COL5A3: variants seen among roughly 807,000 people sequenced by gnomAD.
COL5A3 encodes collagen alpha-3(V) chain.
COL5A3 carries 172 observed loss-of-function variants against 250.0 expected under a neutral mutation model. The observed-to-expected ratio is 0.69, with a 90% confidence interval of 0.61 to 0.78. The LOEUF (loss-of-function observed/expected upper bound fraction) is 0.78. COL5A3 is among the 30% of genes least tolerant of loss of function. COL5A3 has a pLI of 0.00. For synonymous variants in COL5A3, 937 were observed against 900.4 expected, an observed-to-expected ratio of 1.04 and a Z score of -0.73; for missense variants, 2,340 against 2,334.4, an observed-to-expected ratio of 1.00 and a Z score of -0.05.
intron 16 of COL5A3, among the ~76,000 whole-genome samples, chr19:9,994,232 T>G (rs901966636): frequency 1.3e-4 from 19 of 151,782 alleles, no homozygotes; most frequent in Non-Finnish European, 2.6e-4. Context: ...CAGGCTGGAG[T>G]GCAGTGGCAT....
chr19:9,973,813 GA>G lies in COL5A3; in HGVS notation c.3559-5del, dbSNP rs1264932254. The G allele has an allele frequency of 3.8e-5, 62 of 1,613,892 alleles. No individual in the cohort carries two copies. Among genetic ancestry groups the G allele is most frequent in the Non-Finnish European group, 4.3e-5 (51 of 1,179,962 alleles). On this transcript the variant is annotated splice_region_variant and splice_polypyrimidine_tract_variant and intron_variant, in intron 48 of 66. Coordinates refer to ENST00000264828, the MANE Select transcript of COL5A3 (RefSeq NM_015719.4). ...CTCCAGGCAGCCCTGGAGTGCCCTG[GA>G]GAGACAGCAAGGGGTAAGAGTGGGA...
intron 64 of COL5A3, among the ~76,000 whole-genome samples, chr19:9,963,580 A>G (rs1368432966): frequency 4.4e-3 from 321 of 73,068 alleles, no homozygotes; most frequent in African/African-American, 8.4e-3. Context: ...GGGCGGGTGG[A>G]GGGGGTCTTT....
At chr19:9,986,992 G>A (rs1325219235) in intron 27 of COL5A3, among the ~76,000 whole-genome samples, 5 of 152,124 alleles carry the variant, frequency 3.3e-5, no homozygotes, top group Admixed American at 2.0e-4. Flanking sequence ...CCAAGTAAGC[G>A]ATTCCCATCT....
At position 9,968,136 on chromosome 19, in the gene COL5A3, T is replaced by C; in HGVS notation, c.4315-57A>G. ...GGGTACACCCTATTGCCCTGACACA[T>C]CCCCCAGACAAGCCTTCAATCCTAC... On this transcript the variant is annotated intron_variant, in intron 59 of 66. Coordinates refer to ENST00000264828, the MANE Select transcript of COL5A3 (RefSeq NM_015719.4). The surrounding 1 kb of genome is among the most constrained non-coding windows in gnomAD (Gnocchi z 4.1). 1 of 1,480,666 alleles carries C rather than the reference T, an allele frequency of 6.8e-7. No homozygotes were observed. The allele number at this position is 1,480,666 out of a possible 1,614,324, so 91.7% of individuals were successfully genotyped here.
chr19:9,968,579 G>A lies in COL5A3; in HGVS notation c.4207-87C>T. 1.3e-6 allele frequency: 2 copies of A among 1,579,318 alleles called. No homozygotes were observed. Among genetic ancestry groups the A allele is most frequent in the Non-Finnish European group, 1.7e-6 (2 of 1,154,302 alleles). On this transcript the variant is annotated intron_variant, in intron 58 of 66. Coordinates refer to ENST00000264828, the MANE Select transcript of COL5A3 (RefSeq NM_015719.4). The surrounding 1 kb of genome is among the most constrained non-coding windows in gnomAD (Gnocchi z 4.1). ...CTAGAGCCTTAGGGTGATGAGTTTG[G>A]GAGCAGAGGATGCACCAATCTCCCA...
intron 11 of COL5A3, 148 bp downstream of exon 11, chr19:9,997,223 A>G (rs2145130058): frequency 1.4e-6 from 1 of 699,076 alleles, no homozygotes; most frequent in Non-Finnish European, 2.6e-6. Flanking sequence ...TAGTTCACAG[A>G]TGGGAGACAG....
At chr19:9,973,103 A>G in intron 50 of COL5A3, 77 bp from the exon 51 acceptor site, 1 of 1,347,738 alleles carries the variant, frequency 7.4e-7, no homozygotes, top group Non-Finnish European at 1.0e-6. Context: ...GGATTCAGGC[A>G]TTGGGGTGGT....
chr19:9,969,302 A>G, intron 57 of COL5A3, 47 bp downstream of exon 57: 1 of 1,520,780 alleles, frequency 6.6e-7, no homozygotes, highest in Non-Finnish European at 8.9e-7. Context: ...CTAGGTGCCC[A>G]GAGTGGTCCT....
At position 9,964,144 on chromosome 19, in the gene COL5A3, G is replaced by A. The variant is rs886922453; in HGVS notation, c.4783-1257C>T. On this transcript the variant is annotated intron_variant, in intron 64 of 66. Coordinates refer to ENST00000264828, the MANE Select transcript of COL5A3 (RefSeq NM_015719.4). Reference sequence around the variant, plus strand: ...ACCAAGATCACGCCACTGCACTCCAGCCTGGGCAACAGAGTGAGACTATGT... The same window carrying A: ...ACCAAGATCACGCCACTGCACTCCAACCTGGGCAACAGAGTGAGACTATGT... Among the ~76,000 whole-genome samples the A allele has an allele frequency of 3.3e-5, 5 of 152,180 alleles. 1 individual carries two copies. The highest frequency in any genetic ancestry group is 1.2e-4 in the African/African-American group (5 of 41,450).
Position 9,971,142 on chromosome 19 carries a change from G to C in COL5A3, c.3828+63C>G, listed in dbSNP as rs939278304. ...TCCACTGTCAGTGCCCAGGTCTGTG[G>C]GGGTAGGGAGATGGGGACAGAATTA... On this transcript the variant is annotated intron_variant, in intron 52 of 66. Transcript: ENST00000264828. 3.0e-5 allele frequency: 43 copies of C among 1,421,614 alleles called. No individual in the cohort carries two copies. In the East Asian group the frequency reaches 1.0e-3, roughly 33 times the overall value. The allele number at this position is 1,421,614 out of a possible 1,614,324, so 88.1% of individuals were successfully genotyped here.
At chr19:10,001,486 A>T (rs751745413) in intron 8 of COL5A3, 38 bp downstream of exon 8, 1 of 1,576,090 alleles carries the variant, frequency 6.3e-7, no homozygotes, top group South Asian at 1.2e-5. Flanking sequence ...TAGGAATCCC[A>T]CTCTCTTGCA....
intron 8 of COL5A3, among the ~76,000 whole-genome samples, chr19:9,999,003 T>G (rs2087312475): frequency 7.0e-6 from 1 of 143,354 alleles, no homozygotes; most frequent in Non-Finnish European, 1.5e-5. Flanking sequence ...CTTCCTTTCT[T>G]TCTTTTCTTT....
At chr19:9,963,300 G>C (rs963308033) in intron 64 of COL5A3, among the ~76,000 whole-genome samples, 1 of 152,014 alleles carries the variant, frequency 6.6e-6, no homozygotes, top group Non-Finnish European at 1.5e-5. Context: ...ATAGTTCACT[G>C]CAGCCTCAAA....
chr19:9,999,446 TTTC>T (rs1402559851), intron 8 of COL5A3, among the ~76,000 whole-genome samples: 1 of 148,660 alleles, frequency 6.7e-6, no homozygotes, highest in African/African-American at 2.5e-5. Context: ...CCTGGCCTTT[TTTC>T]TTTTCTTTTT....
chr19:9,996,229 G>A lies in COL5A3; in HGVS notation c.1456C>T (p.Leu486Phe). 6.3e-7 allele frequency: 1 copy of A among 1,577,788 alleles called. No individual in the cohort carries two copies. Among genetic ancestry groups the A allele is most frequent in the Non-Finnish European group, 8.6e-7 (1 of 1,164,126 alleles). ...SMKGPPGPVGLTGRPGPVGLP... is the reference protein window; with the variant it reads ...SMKGPPGPVGFTGRPGPVGLP... ...ACCACAGGGCCTGGGCGCCCAGTGAGCCCCACTGGACCAGGGGGGCCTTTC... is the reference window on the plus strand; with the variant it reads ...ACCACAGGGCCTGGGCGCCCAGTGAACCCCACTGGACCAGGGGGGCCTTTC... Residue 486 changes from leucine (L) to phenylalanine (F), a missense_variant, in exon 14 of 67, where the codon CTC becomes TTC. Leu to Phe is a conservative substitution (Grantham distance 22). Around this residue, in one of 3 missense-constraint regions of COL5A3, gnomAD observed 1,152 missense variants for 1,146.3 expected, o/e 1.00. Transcript: ENST00000264828.
chr19:9,988,855 A>AAAGAGAGAGAGAGAAAG (rs1555738987), intron 27 of COL5A3, among the ~76,000 whole-genome samples: 4 of 104,736 alleles, frequency 3.8e-5, no homozygotes, highest in Non-Finnish European at 5.5e-5. Flanking sequence ...AAAAAAAAAA[A>AAAGAGAGAGAGAGAAAG]AAAGAAAGTA....
At chr19:9,983,556 GAA>G (rs755629952) in intron 31 of COL5A3, among the ~76,000 whole-genome samples, 3 of 59,148 alleles carry the variant, frequency 5.1e-5, no homozygotes, top group East Asian at 4.7e-4. Context: ...AAGAAAGAAA[GAA>G]AGAAAGAAAG....
At position 9,993,426 on chromosome 19, in the gene COL5A3, A is replaced by G. The variant is rs1246047408; in HGVS notation, c.1703T>C (p.Phe568Ser). Residue 568 changes from phenylalanine (F) to serine (S), a missense_variant, in exon 19 of 67, where the codon TTT becomes TCT. Around this residue, in one of 3 missense-constraint regions of COL5A3, gnomAD observed 1,152 missense variants for 1,146.3 expected, o/e 1.00. Transcript: ENST00000264828. ...LPGEKGQRGD[F>S]GHVGQPGPPG... ...GGGACCGGGTTGCCCCACATGGCCA[A>G]AGTCACCCTGGAGAGGGAACAGAGG... 6.2e-7 allele frequency: 1 copy of G among 1,614,138 alleles called. No individual in the cohort carries two copies. Among genetic ancestry groups the G allele is most frequent in the East Asian group, 2.2e-5 (1 of 44,878 alleles).
At chr19:9,999,190 T>G in intron 8 of COL5A3, among the ~76,000 whole-genome samples, 1 of 144,312 alleles carries the variant, frequency 6.9e-6, no homozygotes, top group African/African-American at 2.6e-5. Context: ...GCTTGCTTGC[T>G]TTGCTTGGCA....
Sources: gnomAD v4.1 joint callset for allele counts (sites outside exome capture counted in the v4.1 genomes callset) on GRCh38, gnomAD v4.1.1 for gene constraint, gnomAD v4.1.1 regional missense constraint, Gnocchi (gnomAD v3.1) non-coding constraint, MANE v1.5 for transcripts, NCBI Gene and HGNC (gene_info 2026-07-23, HGNC 2026-07-21) for gene names.